GTF2F2: variants seen among roughly 807,000 people sequenced by gnomAD.
GTF2F2 encodes the protein general transcription factor IIF subunit 2.
GTF2F2 carries 23 observed loss-of-function variants against 42.2 expected under a neutral mutation model. The ratio of observed to expected loss-of-function variants is 0.55; its 90% CI spans 0.39 to 0.77. The LOEUF (loss-of-function observed/expected upper bound fraction) is 0.77, where lower values mean the gene tolerates loss of function less well. Ranked by LOEUF, GTF2F2 falls within the 30% of genes least tolerant of loss-of-function variation. GTF2F2 has a pLI of 0.00. For missense variants in GTF2F2, 261 were observed against 287.2 expected (o/e 0.91, Z 0.66); for synonymous variants, 105 against 100.8 (o/e 1.04, Z -0.25).
chr13:45,191,224 A>AAAAAAAAAAAATATATATAT, intron 4 of GTF2F2, among the ~76,000 whole-genome samples: 31 of 75,302 alleles, frequency 4.1e-4, no homozygotes, highest in Non-Finnish European at 5.8e-4. Context: ...ACAAAAAAAA[A>AAAAAAAAAAAATATATATAT]ATATATATAT....
At position 45,274,676 on chromosome 13, in the gene GTF2F2, C is replaced by T. The variant is rs1435472268; in HGVS notation, c.630+7300C>T. On this transcript the variant is annotated intron_variant, in intron 7 of 7. Transcript: ENST00000340473. The stretch of plus-strand genomic sequence containing the variant: ...GTAGTTCAGGCCAGATGTGTTGGCT[C>T]ATACCTATAACCCCCAGCACTTTGG... Among the ~76,000 whole-genome samples, 5 of 152,170 alleles carry T rather than the reference C, an allele frequency of 3.3e-5. No homozygotes were observed. In the East Asian group the frequency reaches 9.6e-4, roughly 29 times the overall value.
At chr13:45,133,776 G>A (rs563668592) in intron 1 of GTF2F2, among the ~76,000 whole-genome samples, 30 of 151,986 alleles carry the variant, frequency 2.0e-4, no homozygotes, top group Admixed American at 2.6e-4. Flanking sequence ...CGCTGCATTC[G>A]TGCCACTGTA....
intron 6 of GTF2F2, among the ~76,000 whole-genome samples, chr13:45,258,400 C>A (rs1228653163): frequency 3.3e-5 from 5 of 151,934 alleles, no homozygotes; most frequent in Admixed American, 6.6e-5. Context: ...CTCCCTCCCA[C>A]TTTCATTCTC....
intron 5 of GTF2F2, among the ~76,000 whole-genome samples, chr13:45,245,422 A>G (rs1336203054): frequency 6.6e-6 from 1 of 151,908 alleles, no homozygotes; most frequent in Non-Finnish European, 1.5e-5. Context: ...ACTGTACCCA[A>G]TGTATAGTCT....
intron 2 of GTF2F2, among the ~76,000 whole-genome samples, chr13:45,146,409 G>C (rs1266906001): frequency 6.6e-6 from 1 of 152,072 alleles, no homozygotes; most frequent in Non-Finnish European, 1.5e-5. Flanking sequence ...TGAGGTGGGA[G>C]GATCACTTCA....
At chr13:45,280,663 A>G (rs915253478) in intron 7 of GTF2F2, among the ~76,000 whole-genome samples, 8 of 152,196 alleles carry the variant, frequency 5.3e-5, no homozygotes, top group Non-Finnish European at 4.4e-5. Flanking sequence ...AGAATTCCAT[A>G]TGTTCTACTA....
intron 4 of GTF2F2, among the ~76,000 whole-genome samples, chr13:45,174,311 T>C (rs1174601083): frequency 1.3e-5 from 2 of 152,166 alleles, no homozygotes; most frequent in East Asian, 1.9e-4. Flanking sequence ...TTTAAAAGTA[T>C]AGATAATTTT....
In GTF2F2 at chr13:45,122,070, G is replaced by C. The variant is rs145083857; in HGVS notation, c.66+1349G>C. Among the ~76,000 whole-genome samples the C allele has an allele frequency of 5.0e-3, 765 of 152,270 alleles. 8 individuals are homozygous for C. Among genetic ancestry groups the C allele is most frequent in the African/African-American group, 0.017 (726 of 41,542 alleles). On this transcript the variant is annotated intron_variant, in intron 1 of 7. Coordinates refer to ENST00000340473, the MANE Select transcript of GTF2F2 (RefSeq NM_004128.3). Reference sequence around the variant, plus strand: ...CATGGGGAATGGAACAGAAATGCAAGACTCAAAATATATAATCAGCATGGC... The same window carrying C: ...CATGGGGAATGGAACAGAAATGCAACACTCAAAATATATAATCAGCATGGC...
intron 4 of GTF2F2, among the ~76,000 whole-genome samples, chr13:45,182,317 A>G (rs140289753): frequency 1.3e-4 from 20 of 152,002 alleles, no homozygotes; most frequent in Admixed American, 3.3e-4. Flanking sequence ...CGCCCGGCTA[A>G]CTTTTGTTAC....
At chr13:45,130,662 GA>G (rs1210941584) in intron 1 of GTF2F2, among the ~76,000 whole-genome samples, 1 of 152,092 alleles carries the variant, frequency 6.6e-6, no homozygotes, top group African/African-American at 2.4e-5. Flanking sequence ...TGGGGTATAA[GA>G]AAAAAATATT....
chr13:45,207,560 A>T (rs575876692), intron 5 of GTF2F2, 55 bp downstream of exon 5: 27 of 1,053,774 alleles, frequency 2.6e-5, no homozygotes, highest in Non-Finnish European at 2.4e-5. Context: ...GGGGATTGAG[A>T]TACGTGTGTT....
At position 45,230,906 on chromosome 13, in the gene GTF2F2, G is replaced by A. The variant is rs940028253; in HGVS notation, c.387-21965G>A. On this transcript the variant is annotated intron_variant, in intron 5 of 7. Transcript: ENST00000340473. ...AGTGTTTAAGTTTGGGTTTTTTTTA[G>A]TTTGCAGCTTTTGTGGGGTTTTTTT... Among the ~76,000 whole-genome samples the A allele has an allele frequency of 5.3e-5, 8 of 151,998 alleles. No homozygotes were observed. The East Asian group carries it at 1.5e-3, about 29-fold the overall frequency.
intron 5 of GTF2F2, among the ~76,000 whole-genome samples, chr13:45,249,797 A>G (rs1018613451): frequency 1.3e-5 from 2 of 151,930 alleles, no homozygotes; most frequent in African/African-American, 2.4e-5. Flanking sequence ...AACCCCTGAG[A>G]GCTGATTGCA....
chr13:45,249,945 A>G (rs981527621), intron 5 of GTF2F2, among the ~76,000 whole-genome samples: 28 of 151,174 alleles, frequency 1.9e-4, no homozygotes, highest in Non-Finnish European at 2.9e-5. Flanking sequence ...AAACATTCCT[A>G]TATCTGTCTT....
chr13:45,275,842 G>A (rs144818912), intron 7 of GTF2F2, among the ~76,000 whole-genome samples: 2,950 of 152,124 alleles, frequency 0.019, 52 homozygotes, highest in South Asian at 0.057. Context: ...TGGGTCAAAT[G>A]GTATTTCTAG....
intron 7 of GTF2F2, among the ~76,000 whole-genome samples, chr13:45,269,726 CT>C (rs1223676666): frequency 6.6e-6 from 1 of 152,110 alleles, no homozygotes; most frequent in Non-Finnish European, 1.5e-5. Flanking sequence ...GGACAAGGTA[CT>C]TAAATACATT....
chr13:45,144,587 G>A (rs1214829410), intron 2 of GTF2F2, among the ~76,000 whole-genome samples: 10 of 149,790 alleles, frequency 6.7e-5, no homozygotes, highest in Admixed American at 4.7e-4. Context: ...GACTACAGGC[G>A]CCCGCCACCA....
chr13:45,179,285 C>G (rs191762548), intron 4 of GTF2F2, among the ~76,000 whole-genome samples: 9 of 152,322 alleles, frequency 5.9e-5, no homozygotes, highest in Non-Finnish European at 1.0e-4. Flanking sequence ...AAACCATGCT[C>G]AAGGCTTGAG....
rs1386727621 is a variant in GTF2F2, at chr13:45,267,362, A to C, written c.616A>C (p.Thr206Pro). ...TAATCTTAAGGACTTGGTGGACATCACAAAGCAACCTGTGGTATGTATATG... is the reference window on the plus strand; with the variant it reads ...TAATCTTAAGGACTTGGTGGACATCCCAAAGCAACCTGTGGTATGTATATG... The part of the protein sequence containing the change: ...YYNLKDLVDI[T>P]KQPVVYLKEI... The change falls in exon 7 of 8, where the codon ACA (threonine) becomes CCA (proline). Residue 206 changes from threonine to proline, a missense_variant. Thr to Pro is a conservative substitution (Grantham distance 38). Coordinates refer to ENST00000340473, the MANE Select transcript of GTF2F2 (RefSeq NM_004128.3). The C allele has an allele frequency of 6.2e-7, 1 of 1,608,184 alleles. No individual in the cohort carries two copies. Among genetic ancestry groups the C allele is most frequent in the Non-Finnish European group, 8.5e-7 (1 of 1,176,028 alleles).
Sources: gnomAD v4.1 joint callset for allele counts (sites outside exome capture counted in the v4.1 genomes callset) on GRCh38, gnomAD v4.1.1 for gene constraint, MANE v1.5 for transcripts, NCBI Gene and HGNC (gene_info 2026-07-23, HGNC 2026-07-21) for gene names.